NAALADL2: variants seen among roughly 807,000 people sequenced by gnomAD.
NAALADL2 encodes the protein inactive N-acetylated-alpha-linked acidic dipeptidase-like protein 2.
NAALADL2 carries 76 observed loss-of-function variants against 87.2 expected under a neutral mutation model. That is an observed-to-expected ratio of 0.87 (90% CI 0.72 to 1.05). The LOEUF is 1.05. NAALADL2 is among the 50% of genes least tolerant of loss of function. NAALADL2 has a pLI of 0.00. For missense variants in NAALADL2, 1,089 were observed against 945.8 expected (o/e 1.15, Z -1.99); for synonymous variants, 354 against 331.0 (o/e 1.07, Z -0.75).
intron 1 of NAALADL2, among the ~76,000 whole-genome samples, chr3:175,041,744 C>T (rs1246948930): frequency 6.6e-6 from 1 of 152,098 alleles, no homozygotes; most frequent in Non-Finnish European, 1.5e-5. Flanking sequence ...CTGTGTATAT[C>T]TATACCTGTG....
At chr3:174,927,012 T>C (rs1200870988) in intron 1 of NAALADL2, among the ~76,000 whole-genome samples, 1 of 141,156 alleles carries the variant, frequency 7.1e-6, no homozygotes, top group Non-Finnish European at 1.5e-5. Flanking sequence ...TGGAAGAAGA[T>C]CTACCAAGCA....
intron 2 of NAALADL2, among the ~76,000 whole-genome samples, chr3:175,162,793 T>G (rs1198230935): frequency 6.6e-6 from 1 of 152,166 alleles, no homozygotes; most frequent in African/African-American, 2.4e-5. Flanking sequence ...GTATGTTTGA[T>G]CCTTTGTTGT....
chr3:175,416,345 C>T (rs907675969), intron 5 of NAALADL2, among the ~76,000 whole-genome samples: 4 of 152,016 alleles, frequency 2.6e-5, no homozygotes, highest in Non-Finnish European at 5.9e-5. Context: ...TAAAGGTAAG[C>T]ACTAGTTTTT....
At chr3:174,650,340 A>T (rs2108753431) in intron 2 of NAALADL2, among the ~76,000 whole-genome samples, 1 of 152,244 alleles carries the variant, frequency 6.6e-6, no homozygotes, top group East Asian at 1.9e-4. Flanking sequence ...GCAAAACACC[A>T]TATATCCATT....
chr3:175,630,578 A>C (rs932433608), intron 11 of NAALADL2, among the ~76,000 whole-genome samples: 2 of 151,756 alleles, frequency 1.3e-5, no homozygotes, highest in Non-Finnish European at 3.0e-5. Flanking sequence ...ACAGATATAA[A>C]AACATAATCA....
chr3:175,734,318 G>A (rs1042462113), intron 11 of NAALADL2, among the ~76,000 whole-genome samples: 2 of 152,074 alleles, frequency 1.3e-5, no homozygotes, highest in Non-Finnish European at 2.9e-5. Context: ...ACTTTGGGAG[G>A]CCAAAGCGGA....
rs1274738596 is a variant in NAALADL2 at position 175,459,561 on chromosome 3, GA to G, written c.1235-3831del. Among the ~76,000 whole-genome samples, 96 of 149,498 alleles carry G rather than the reference GA, an allele frequency of 6.4e-4. 4 individuals carry two copies. The highest frequency in any genetic ancestry group is 1.5e-3 in the Admixed American group (23 of 15,062). ...AATAATAATTTTTCCAGAAAAAAAG[GA>G]AAAAAAAACCACACGTATATATTTT... On this transcript the variant is annotated intron_variant, in intron 6 of 13. Coordinates refer to ENST00000454872, the MANE Select transcript of NAALADL2 (RefSeq NM_207015.3).
chr3:175,127,610 C>T (rs1242159505), intron 2 of NAALADL2, among the ~76,000 whole-genome samples: 2 of 151,994 alleles, frequency 1.3e-5, no homozygotes, highest in Non-Finnish European at 2.9e-5. Flanking sequence ...TTTTGTGACC[C>T]CTTATCTGGA....
At chr3:175,483,409 T>C (rs957302573) in intron 9 of NAALADL2, among the ~76,000 whole-genome samples, 7 of 151,786 alleles carry the variant, frequency 4.6e-5, no homozygotes, top group Non-Finnish European at 8.8e-5. Context: ...CTAATATTTT[T>C]TTCTTATTTT....
intron 9 of NAALADL2, among the ~76,000 whole-genome samples, chr3:175,567,806 C>T (rs9818515): frequency 0.042 from 6,423 of 151,748 alleles, 309 homozygotes; most frequent in African/African-American, 0.12. Context: ...AGCTCCGCCT[C>T]CTGCATTCAA....
At chr3:175,601,771 T>C (rs970723547) in intron 10 of NAALADL2, among the ~76,000 whole-genome samples, 1 of 152,254 alleles carries the variant, frequency 6.6e-6, no homozygotes, top group East Asian at 1.9e-4. Flanking sequence ...AAACGCCAAA[T>C]GCCACAACCA....
intron 1 of NAALADL2, among the ~76,000 whole-genome samples, chr3:175,049,728 G>A (rs1462230799): frequency 6.6e-6 from 1 of 152,128 alleles, no homozygotes; most frequent in Middle Eastern, 3.2e-3. Context: ...TCATTAACCA[G>A]AATTCTGTCA....
chr3:175,211,507 G>T (rs1741759001), intron 2 of NAALADL2, among the ~76,000 whole-genome samples: 1 of 151,854 alleles, frequency 6.6e-6, no homozygotes, highest in Admixed American at 6.6e-5. Context: ...TTATACTAAA[G>T]TACCTCTGTA....
rs1027681160 is a variant in NAALADL2, at chr3:174,699,502, A to G, written c.-114-38139A>G. Among the ~76,000 whole-genome samples, 4 of 152,252 alleles carry G rather than the reference A, an allele frequency of 2.6e-5. No homozygotes were observed. The East Asian group carries it at 7.7e-4, about 29-fold the overall frequency. On this transcript the variant is annotated intron_variant, in intron 2 of 3. Coordinates refer to the NAALADL2 transcript ENST00000434257. ...AGAGCAAAACTCCATCTCAAAAAAA[A>G]AAAAAAAATTCTTAGATGGTGTTTA...
intron 2 of NAALADL2, among the ~76,000 whole-genome samples, chr3:174,617,271 T>TA (rs200218030): frequency 6.6e-6 from 1 of 151,692 alleles, no homozygotes; most frequent in Non-Finnish European, 1.5e-5. Flanking sequence ...ACTTAACATT[T>TA]AAAAAAATAA....
At chr3:175,046,806 A>G (rs1449855739) in intron 1 of NAALADL2, among the ~76,000 whole-genome samples, 1 of 152,164 alleles carries the variant, frequency 6.6e-6, no homozygotes, top group Admixed American at 6.6e-5. Flanking sequence ...GATAGCTCTG[A>G]AAACCATCAT....
intron 9 of NAALADL2, among the ~76,000 whole-genome samples, chr3:175,490,760 G>A (rs1263720959): frequency 6.6e-6 from 1 of 152,000 alleles, no homozygotes; most frequent in Admixed American, 6.6e-5. Flanking sequence ...GACCCTAAAT[G>A]TGGGAGTGGA....
At chr3:175,135,540 A>T (rs1161244790) in intron 2 of NAALADL2, among the ~76,000 whole-genome samples, 1 of 152,170 alleles carries the variant, frequency 6.6e-6, no homozygotes, top group Non-Finnish European at 1.5e-5. Context: ...CCACCAAGTT[A>T]GTCAAATAAA....
intron 2 of NAALADL2, among the ~76,000 whole-genome samples, chr3:175,200,108 A>G (rs1336346829): frequency 6.6e-6 from 1 of 151,452 alleles, no homozygotes; most frequent in Non-Finnish European, 1.5e-5. Context: ...TGTCACCATC[A>G]ATTTGTTTGA....
Sources: gnomAD v4.1 joint callset for allele counts (sites outside exome capture counted in the v4.1 genomes callset) on GRCh38, gnomAD v4.1.1 for gene constraint, MANE v1.5 for transcripts, NCBI Gene and HGNC (gene_info 2026-07-23, HGNC 2026-07-21) for gene names.